The following ATP10B variants were observed in gnomAD, a reference collection of about 807,000 sequenced individuals.
ATP10B encodes phospholipid-transporting ATPase VB.
ATP10B carries 122 observed loss-of-function variants against 141.2 expected under a neutral mutation model. That is an observed-to-expected ratio of 0.86 (90% CI 0.75 to 1.00). The LOEUF is 1.00. ATP10B is among the 50% of genes least tolerant of loss of function. The probability of loss-of-function intolerance (pLI) is 0.00; values close to 1 mark genes in which losing one functional copy is unlikely to be tolerated. For missense variants in ATP10B, 1,876 were observed against 1,825.3 expected, an observed-to-expected ratio of 1.03 and a Z score of -0.51; for synonymous variants, 685 against 692.0, an observed-to-expected ratio of 0.99 and a Z score of 0.16.
chr5:160,831,094 C>G (rs939634482), intron 1 of ATP10B, among the ~76,000 whole-genome samples: 2 of 121,064 alleles, frequency 1.7e-5, no homozygotes, highest in Non-Finnish European at 3.5e-5. Context: ...TATATTTGCT[C>G]TGTCACTTTC....
At chr5:160,910,778 G>A in the ATP10B span, among the ~76,000 whole-genome samples, 91 of 152,248 alleles carry the variant, frequency 6.0e-4, 1 homozygote, top group African/African-American at 2.0e-3. Flanking sequence ...GTACATACAC[G>A]ACTCAGAATC....
chr5:160,746,682 G>A (rs1173291405), intron 2 of ATP10B, among the ~76,000 whole-genome samples: 2 of 152,284 alleles, frequency 1.3e-5, no homozygotes, highest in South Asian at 2.1e-4. Context: ...ATGAGCCACT[G>A]TGCCTGGTCT....
intron 6 of ATP10B, among the ~76,000 whole-genome samples, chr5:160,676,161 T>C (rs143969363): frequency 1.2e-4 from 19 of 152,278 alleles, no homozygotes; most frequent in African/African-American, 4.6e-4. Context: ...GCCCCAGGTC[T>C]GGGGATAACC....
At chr5:160,873,850 G>A in the ATP10B span, among the ~76,000 whole-genome samples, 4 of 152,244 alleles carry the variant, frequency 2.6e-5, no homozygotes, top group African/African-American at 7.2e-5. Flanking sequence ...GGTGCACCAC[G>A]AGATTATATC....
In ATP10B at chr5:160,852,126, A is replaced by C. The variant is rs1753847873; in HGVS notation, c.-761T>G. 6.6e-6 allele frequency: 1 copy of C among 152,192 alleles called. No homozygotes were observed. The highest frequency in any genetic ancestry group is 1.5e-5 in the Non-Finnish European group (1 of 68,042). 9.4% of individuals were successfully genotyped at this position (152,192 alleles called of 1,614,324 possible). A position where few individuals can be genotyped will look rare whatever the true frequency, so the allele number is the denominator to read the frequency against. ...AGCTAACACTCCCTCAGAAACTTAG[A>C]GAAGATGACACACTGAAAAGAAATA... On this transcript the variant is annotated 5_prime_UTR_variant, in exon 1 of 26. Coordinates refer to ENST00000327245, the MANE Select transcript of ATP10B (RefSeq NM_025153.3).
At chr5:160,890,256 GCTT>G in the ATP10B span, among the ~76,000 whole-genome samples, 4 of 152,168 alleles carry the variant, frequency 2.6e-5, no homozygotes, top group African/African-American at 9.7e-5. Flanking sequence ...TGGACTAAGT[GCTT>G]CTTATGACCC....
chr5:160,790,612 G>A (rs895879425), intron 1 of ATP10B, among the ~76,000 whole-genome samples: 1 of 152,150 alleles, frequency 6.6e-6, no homozygotes. Context: ...GTATCAAGGA[G>A]AAATTACCCT....
chr5:160,599,075 T>C, intron 21 of ATP10B, 105 bp from the exon 22 acceptor site: 1 of 936,822 alleles, frequency 1.1e-6, no homozygotes, highest in Non-Finnish European at 1.7e-6. Flanking sequence ...TTGCCTCATT[T>C]ATAACACACA....
the ATP10B span, among the ~76,000 whole-genome samples, chr5:160,860,162 T>C: frequency 6.6e-6 from 1 of 151,922 alleles, no homozygotes; most frequent in Non-Finnish European, 1.5e-5. Context: ...CACTTAAGGA[T>C]AATTTGGCTC....
At chr5:160,824,471 TAC>T (rs1342676512) in intron 1 of ATP10B, among the ~76,000 whole-genome samples, 1 of 152,240 alleles carries the variant, frequency 6.6e-6, no homozygotes, top group Non-Finnish European at 1.5e-5. Flanking sequence ...CTTCTTTGAA[TAC>T]AGTCATTTGT....
chr5:160,566,631 G>A (rs910328271), intron 25 of ATP10B, among the ~76,000 whole-genome samples: 2 of 152,138 alleles, frequency 1.3e-5, no homozygotes, highest in Non-Finnish European at 2.9e-5. Flanking sequence ...CTCTGGAATT[G>A]GAAGTCTTTA....
the ATP10B span, among the ~76,000 whole-genome samples, chr5:160,873,676 C>T: frequency 4.0e-4 from 61 of 152,274 alleles, no homozygotes; most frequent in Middle Eastern, 3.4e-3. Context: ...AGTGGGTGCA[C>T]GCACTGTGCG....
upstream of ATP10B, among the ~76,000 whole-genome samples, chr5:160,852,773 TTTA>T (rs1753873351): frequency 6.6e-6 from 1 of 152,172 alleles, no homozygotes; most frequent in African/African-American, 2.4e-5. Flanking sequence ...GTATAATCCT[TTTA>T]TTAAGTTACC....
the ATP10B span, among the ~76,000 whole-genome samples, chr5:160,914,628 G>A: frequency 1.3e-5 from 2 of 151,996 alleles, no homozygotes; most frequent in African/African-American, 4.8e-5. Flanking sequence ...ATTCAAGCTT[G>A]GTTAATTCAT....
chr5:160,686,051 G>C (rs1314054972), intron 6 of ATP10B, 28 bp downstream of exon 6: 2 of 1,505,082 alleles, frequency 1.3e-6, no homozygotes, highest in Admixed American at 2.0e-5. Flanking sequence ...CCATTTGCAA[G>C]AGAGAACACA....
intron 1 of ATP10B, among the ~76,000 whole-genome samples, chr5:160,844,052 A>G (rs17058343): frequency 0.039 from 5,887 of 152,262 alleles, 130 homozygotes; most frequent in South Asian, 0.089. Context: ...AATAACTTCA[A>G]ATATTAAGGG....
chr5:160,704,774 A>T (rs1219924909), intron 3 of ATP10B, among the ~76,000 whole-genome samples: 1 of 152,084 alleles, frequency 6.6e-6, no homozygotes, highest in Non-Finnish European at 1.5e-5. Context: ...TCTTAGCTAG[A>T]TCTTTTGATA....
rs1160587636 is a variant in ATP10B at position 160,785,666 on chromosome 5, C to T, written c.-438G>A. 2 of 1,287,498 alleles carry T rather than the reference C, an allele frequency of 1.6e-6. No homozygotes were observed. The highest frequency in any genetic ancestry group is 2.0e-6 in the Non-Finnish European group (2 of 987,508). 79.8% of individuals were successfully genotyped at this position (1,287,498 alleles called of 1,614,324 possible). A position where few individuals can be genotyped will look rare whatever the true frequency, so the allele number is the denominator to read the frequency against. ...GTCCATGTGTAAGAAATGGTAGTTT[C>T]TCATCTTGGCAGTGGAGAGGAGTTC... On this transcript the variant is annotated 5_prime_UTR_variant, in exon 2 of 26. Transcript: ENST00000327245.
intron 24 of ATP10B, among the ~76,000 whole-genome samples, chr5:160,586,109 C>T (rs886347568): frequency 2.0e-5 from 3 of 152,134 alleles, no homozygotes; most frequent in African/African-American, 7.2e-5. Flanking sequence ...GGTATTTGTC[C>T]TAATGCTCTC....
Sources: allele counts gnomAD v4.1 joint callset (sites outside exome capture counted in the v4.1 genomes callset), GRCh38; gene constraint gnomAD v4.1.1; transcripts MANE v1.5; gene names NCBI Gene and HGNC (gene_info 2026-07-23, HGNC 2026-07-21).